ARFGAP3: variants seen among roughly 807,000 people sequenced by gnomAD.
The protein encoded by ARFGAP3 is ADP-ribosylation factor GTPase-activating protein 3.
A neutral mutation model predicts 75.0 loss-of-function variants in ARFGAP3; 72 were observed. That is an observed-to-expected ratio of 0.96 (90% CI 0.79 to 1.17). ARFGAP3 has a LOEUF of 1.17. ARFGAP3 is among the 50% of genes most tolerant of loss of function. The probability of loss-of-function intolerance (pLI) is 0.00; values close to 1 mark genes in which losing one functional copy is unlikely to be tolerated. For synonymous variants in ARFGAP3, 221 were observed against 217.9 expected (o/e 1.01, Z -0.13); for missense variants, 620 against 626.6 (o/e 0.99, Z 0.11).
At chr22:42,852,801 G>A (rs1029882351) in intron 1 of ARFGAP3, among the ~76,000 whole-genome samples, 2 of 152,082 alleles carry the variant, frequency 1.3e-5, no homozygotes, top group East Asian at 1.9e-4. Flanking sequence ...GTCGCTCTCT[G>A]TTGCCCAGGC....
chr22:42,857,267 A>T lies in ARFGAP3; in HGVS notation c.-85T>A. 1 of 1,465,720 alleles carries T rather than the reference A, an allele frequency of 6.8e-7. No homozygotes were observed. Among genetic ancestry groups the T allele is most frequent in the Non-Finnish European group, 9.1e-7 (1 of 1,102,098 alleles). 90.8% of individuals were successfully genotyped at this position (1,465,720 alleles called of 1,614,324 possible). ...GGCTACCGCCTCAGCAGGAGCGACGAGGCCGCGGGGGCGGGGCTGCGCGTA... is the reference window on the plus strand; with the variant it reads ...GGCTACCGCCTCAGCAGGAGCGACGTGGCCGCGGGGGCGGGGCTGCGCGTA... On this transcript the variant is annotated 5_prime_UTR_variant, in exon 1 of 16. Coordinates refer to ENST00000263245, the MANE Select transcript of ARFGAP3 (RefSeq NM_014570.5).
chr22:42,801,164 AACGGGC>A (rs1243696742), intron 14 of ARFGAP3, among the ~76,000 whole-genome samples: 1 of 152,054 alleles, frequency 6.6e-6, no homozygotes, highest in Non-Finnish European at 1.5e-5. Context: ...ATCAGGAGGG[AACGGGC>A]TGAGCGTCCT....
chr22:42,800,455 T>C (rs1924805655), intron 14 of ARFGAP3, among the ~76,000 whole-genome samples: 1 of 152,154 alleles, frequency 6.6e-6, no homozygotes, highest in Admixed American at 6.6e-5. Flanking sequence ...CACTTGAACC[T>C]GGGAGGTGGA....
chr22:42,801,162 G>C (rs1448602022), intron 14 of ARFGAP3, among the ~76,000 whole-genome samples: 1 of 152,186 alleles, frequency 6.6e-6, no homozygotes, highest in Non-Finnish European at 1.5e-5. Flanking sequence ...GGATCAGGAG[G>C]GAACGGGCTG....
intron 8 of ARFGAP3, among the ~76,000 whole-genome samples, chr22:42,822,984 A>AT (rs1162574641): frequency 1.3e-5 from 2 of 151,748 alleles, no homozygotes; most frequent in Non-Finnish European, 2.9e-5. Flanking sequence ...TACTTTTTGT[A>AT]TTTTTTGAAG....
chr22:42,832,162 CAAA>C (rs78600056), intron 5 of ARFGAP3, among the ~76,000 whole-genome samples: 2 of 76,000 alleles, frequency 2.6e-5, no homozygotes, highest in Non-Finnish European at 3.0e-5. Flanking sequence ...ATTATAATAG[CAAA>C]AAAAAAAAAA....
At chr22:42,833,129 T>A (rs1926370249) in intron 5 of ARFGAP3, among the ~76,000 whole-genome samples, 2 of 152,216 alleles carry the variant, frequency 1.3e-5, no homozygotes, top group Admixed American at 6.5e-5. Flanking sequence ...ACTGTTGCTA[T>A]CAGGTCACAA....
At chr22:42,801,186 G>C (rs557411368) in intron 14 of ARFGAP3, among the ~76,000 whole-genome samples, 44 of 152,316 alleles carry the variant, frequency 2.9e-4, no homozygotes, top group African/African-American at 1.0e-3. Flanking sequence ...GTCCTCAGGA[G>C]GCAGGTGTCA....
intron 9 of ARFGAP3, among the ~76,000 whole-genome samples, chr22:42,818,900 C>T (rs1464689017): frequency 2.7e-5 from 4 of 150,864 alleles, no homozygotes; most frequent in East Asian, 3.9e-4. Flanking sequence ...GCAACCTCCA[C>T]CCACGAGGTT....
At chr22:42,818,090 G>C (rs1925658924) in intron 9 of ARFGAP3, 1 of 175,534 alleles carries the variant, frequency 5.7e-6, no homozygotes, top group South Asian at 1.9e-4. Flanking sequence ...CTATACCACT[G>C]TTCAAGTTTA....
chr22:42,823,408 C>T lies in ARFGAP3; in HGVS notation c.672+248G>A, dbSNP rs1343804687. Among the ~76,000 whole-genome samples, 5 of 151,960 alleles carry T rather than the reference C, an allele frequency of 3.3e-5. No homozygotes were observed. The East Asian group carries it at 9.7e-4, about 29-fold the overall frequency. ...AGCAGGAGACAAATTCCCAGGGGAC[C>T]TTTGTTAATTTTTTTCAGAATTTTG... On this transcript the variant is annotated intron_variant, in intron 8 of 15. Coordinates refer to ENST00000263245, the MANE Select transcript of ARFGAP3 (RefSeq NM_014570.5).
chr22:42,804,026 C>A (rs1463046888), intron 14 of ARFGAP3, among the ~76,000 whole-genome samples: 1 of 151,260 alleles, frequency 6.6e-6, no homozygotes. Flanking sequence ...ACCTTAGCCT[C>A]CAGAGTAGCT....
chr22:42,808,843 T>A lies in ARFGAP3; in HGVS notation c.1244A>T (p.Asp415Val). Residue 415 changes from aspartate to valine, a missense_variant, in exon 13 of 16, where the codon GAT becomes GTT. Physicochemically the swap from Asp to Val is radical, Grantham distance 152. Coordinates refer to ENST00000263245, the MANE Select transcript of ARFGAP3 (RefSeq NM_014570.5). ...KPDYEPVENT[D>V]EAQKKFGNVK... Reference sequence around the variant, plus strand: ...ATTGCCAAACTTCTTCTGGGCCTCATCTGTATTTTCAACTGGCTCATAATC... The same window carrying A: ...ATTGCCAAACTTCTTCTGGGCCTCAACTGTATTTTCAACTGGCTCATAATC... 6.2e-7 allele frequency: 1 copy of A among 1,613,612 alleles called. No individual in the cohort carries two copies. The highest frequency in any genetic ancestry group is 8.5e-7 in the Non-Finnish European group (1 of 1,179,714).
chr22:42,818,948 G>A (rs966354028), intron 9 of ARFGAP3, among the ~76,000 whole-genome samples: 1 of 151,408 alleles, frequency 6.6e-6, no homozygotes, highest in Admixed American at 6.6e-5. Context: ...GAGTAGCTGG[G>A]ATTACAGGCA....
intron 5 of ARFGAP3, among the ~76,000 whole-genome samples, chr22:42,833,585 G>A (rs1392694310): frequency 2.0e-5 from 3 of 152,152 alleles, no homozygotes; most frequent in African/African-American, 4.8e-5. Flanking sequence ...GTGAAACCTC[G>A]TCTCTACTAC....
chr22:42,803,273 G>A (rs951297225), intron 14 of ARFGAP3, among the ~76,000 whole-genome samples: 1 of 152,148 alleles, frequency 6.6e-6, no homozygotes, highest in Non-Finnish European at 1.5e-5. Context: ...AGCACACATG[G>A]CAATAACCAA....
chr22:42,800,818 C>T (rs914201163), intron 14 of ARFGAP3, among the ~76,000 whole-genome samples: 2 of 152,168 alleles, frequency 1.3e-5, no homozygotes, highest in Non-Finnish European at 2.9e-5. Flanking sequence ...TGGCCATGGT[C>T]AAAGACAGCC....
intron 15 of ARFGAP3, 114 bp from the exon 16 acceptor site, chr22:42,797,719 G>A (rs1486152934): frequency 1.2e-6 from 2 of 1,606,678 alleles, no homozygotes; most frequent in Non-Finnish European, 1.7e-6. Context: ...TCAGGCATGT[G>A]ACATGGACGC....
rs756692367 is a variant in ARFGAP3 at position 42,826,962 on chromosome 22, A to G, written c.603T>C (p.Asn201=). The change falls in exon 7 of 16, where the codon AAT becomes AAC. Residue 201 remains asparagine, a synonymous_variant. Coordinates refer to ENST00000263245, the MANE Select transcript of ARFGAP3 (RefSeq NM_014570.5). ...QEQGPSVEGL[N]VPTKATLEVS... is the part of the protein sequence containing the mutation. ...TACCTAAAGTAGCCTTTGTTGGTAC[A>G]TTAAGACCTTCCACACTTGGTCCTT... is the stretch of plus-strand genomic sequence containing the variant. 1.2e-6 allele frequency: 2 copies of G among 1,613,820 alleles called. No homozygotes were observed. Among genetic ancestry groups the G allele is most frequent in the African/African-American group, 1.3e-5 (1 of 75,054 alleles).
Sources: gnomAD v4.1 joint callset for allele counts (sites outside exome capture counted in the v4.1 genomes callset) on GRCh38, gnomAD v4.1.1 for gene constraint, MANE v1.5 for transcripts, NCBI Gene and HGNC (gene_info 2026-07-23, HGNC 2026-07-21) for gene names.